The following PDE10A variants were observed in gnomAD, a reference collection of about 807,000 sequenced individuals.
PDE10A encodes the protein phosphodiesterase 10A.
A neutral mutation model predicts 97.7 loss-of-function variants in PDE10A; 39 were observed. The observed-to-expected ratio is 0.40, with a 90% confidence interval of 0.31 to 0.52. The LOEUF (loss-of-function observed/expected upper bound fraction) is 0.52, where lower values mean the gene tolerates loss of function less well. Among genes scored for constraint, PDE10A ranks in the 20% least tolerant of loss-of-function variants. PDE10A has a pLI of 0.56. For missense variants in PDE10A, 731 were observed against 1,047.8 expected (o/e 0.70, Z 4.17); for synonymous variants, 371 against 376.8 (o/e 0.98, Z 0.18).
intron 2 of PDE10A, among the ~76,000 whole-genome samples, chr6:165,531,858 T>C (rs896833243): frequency 3.9e-4 from 60 of 152,334 alleles, no homozygotes; most frequent in African/African-American, 1.4e-3. Flanking sequence ...CAGGCTAATA[T>C]ATGAAATGGG....
intron 3 of PDE10A, among the ~76,000 whole-genome samples, chr6:165,471,196 A>AT (rs1470574092): frequency 1.3e-5 from 2 of 152,024 alleles, no homozygotes; most frequent in African/African-American, 2.4e-5. Flanking sequence ...ATTTTAAATA[A>AT]TTTTTTATTT....
At chr6:165,543,147 TTAAA>T (rs1562565869) in intron 2 of PDE10A, among the ~76,000 whole-genome samples, 1 of 152,222 alleles carries the variant, frequency 6.6e-6, no homozygotes, top group East Asian at 1.9e-4. Flanking sequence ...AAAATAATCC[TTAAA>T]TAAAATCAAT....
intron 1 of PDE10A, among the ~76,000 whole-genome samples, chr6:165,742,292 G>A (rs1792744851): frequency 1.3e-5 from 2 of 152,134 alleles, no homozygotes; most frequent in Admixed American, 1.3e-4. Context: ...TAACGCAATA[G>A]TTAACATCTA....
At chr6:165,428,949 A>G (rs1268984364) in intron 9 of PDE10A, among the ~76,000 whole-genome samples, 1 of 152,116 alleles carries the variant, frequency 6.6e-6, no homozygotes, top group Non-Finnish European at 1.5e-5. Flanking sequence ...GAATGCAATC[A>G]GTATTTATTT....
chr6:165,954,944 G>A (rs1162688217), intron 1 of PDE10A, among the ~76,000 whole-genome samples: 1 of 152,082 alleles, frequency 6.6e-6, no homozygotes, highest in Non-Finnish European at 1.5e-5. Flanking sequence ...ACAGCAATAA[G>A]CAAAAAACTC....
At chr6:165,810,090 A>G (rs934001937) in intron 1 of PDE10A, among the ~76,000 whole-genome samples, 1 of 152,164 alleles carries the variant, frequency 6.6e-6, no homozygotes, top group Non-Finnish European at 1.5e-5. Flanking sequence ...GAGGATTTCC[A>G]CATCAACATT....
intron 1 of PDE10A, among the ~76,000 whole-genome samples, chr6:165,951,383 C>G (rs1203645063): frequency 6.6e-6 from 1 of 152,130 alleles, no homozygotes; most frequent in African/African-American, 2.4e-5. Context: ...TCTGCCCAAC[C>G]TGAGATCCCT....
At chr6:165,785,990 A>G (rs1390548137) in intron 1 of PDE10A, among the ~76,000 whole-genome samples, 1 of 152,222 alleles carries the variant, frequency 6.6e-6, no homozygotes, top group Non-Finnish European at 1.5e-5. Context: ...TAGTAACTCA[A>G]ATTAGTGGTC....
At chr6:165,911,366 T>G (rs1782448765) in intron 1 of PDE10A, among the ~76,000 whole-genome samples, 5 of 152,146 alleles carry the variant, frequency 3.3e-5, no homozygotes. Flanking sequence ...CCAAATGAGT[T>G]TCTCAAAATG....
chr6:165,527,971 C>G (rs192853240), intron 2 of PDE10A, among the ~76,000 whole-genome samples: 1 of 152,160 alleles, frequency 6.6e-6, no homozygotes, highest in East Asian at 1.9e-4. Flanking sequence ...CTGGGATATC[C>G]CTAGAGGACG....
intron 1 of PDE10A, among the ~76,000 whole-genome samples, chr6:165,985,830 C>A (rs962057525): frequency 6.6e-6 from 1 of 152,036 alleles, no homozygotes; most frequent in African/African-American, 2.4e-5. Flanking sequence ...TGGCCTCTTC[C>A]CTTCCCACCC....
intron 1 of PDE10A, among the ~76,000 whole-genome samples, chr6:165,636,498 C>A (rs954840190): frequency 1.3e-5 from 2 of 152,226 alleles, no homozygotes; most frequent in South Asian, 4.1e-4. Flanking sequence ...TTTCAAAAAA[C>A]CTTCACAAGG....
chr6:165,364,537 C>T (rs1263277747), intron 18 of PDE10A, among the ~76,000 whole-genome samples: 2 of 152,136 alleles, frequency 1.3e-5, no homozygotes, highest in African/African-American at 4.8e-5. Flanking sequence ...AAAGAAAGAA[C>T]ACATTGATTT....
intron 1 of PDE10A, among the ~76,000 whole-genome samples, chr6:165,841,085 G>A (rs1780244906): frequency 6.6e-6 from 1 of 152,224 alleles, no homozygotes; most frequent in South Asian, 2.1e-4. Context: ...CATAATAGGT[G>A]TCAGTCAATT....
At chr6:165,361,044 G>C (rs1783383845) in intron 18 of PDE10A, among the ~76,000 whole-genome samples, 1 of 152,174 alleles carries the variant, frequency 6.6e-6, no homozygotes, top group South Asian at 2.1e-4. Context: ...TTATCAAATA[G>C]AAAGAAAAGG....
At chr6:165,532,502 A>T (rs1782843882) in intron 2 of PDE10A, among the ~76,000 whole-genome samples, 1 of 151,966 alleles carries the variant, frequency 6.6e-6, no homozygotes, top group Non-Finnish European at 1.5e-5. Flanking sequence ...ATGTAGTTAG[A>T]GTATGTGATC....
chr6:165,359,883 C>A (rs1239095028), intron 18 of PDE10A, among the ~76,000 whole-genome samples: 1 of 152,140 alleles, frequency 6.6e-6, no homozygotes, highest in Non-Finnish European at 1.5e-5. Flanking sequence ...ACAGACAGGG[C>A]ACACCAGATG....
chr6:165,903,206 T>A (rs935272366), intron 1 of PDE10A, among the ~76,000 whole-genome samples: 2 of 152,228 alleles, frequency 1.3e-5, no homozygotes, highest in Non-Finnish European at 2.9e-5. Context: ...TTTATTCTTC[T>A]GCATTGGGAG....
At chr6:165,417,038 ACAATATC>A (rs1463473411) in intron 11 of PDE10A, among the ~76,000 whole-genome samples, 1 of 152,202 alleles carries the variant, frequency 6.6e-6, no homozygotes, top group Admixed American at 6.5e-5. Flanking sequence ...TCTACAAGTC[ACAATATC>A]TACATTTTAC....
Sources: allele counts gnomAD v4.1 joint callset (sites outside exome capture counted in the v4.1 genomes callset), GRCh38; gene constraint gnomAD v4.1.1; transcripts MANE v1.5; gene names NCBI Gene and HGNC (gene_info 2026-07-23, HGNC 2026-07-21).